Variants in PTPN5 observed in about 807,000 individuals in gnomAD.
PTPN5 encodes the protein tyrosine-protein phosphatase non-receptor type 5.
PTPN5 carries 29 observed loss-of-function variants against 73.9 expected under a neutral mutation model. The observed-to-expected ratio is 0.39, with a 90% confidence interval of 0.29 to 0.54. The LOEUF (loss-of-function observed/expected upper bound fraction) is 0.54, where lower values mean the gene tolerates loss of function less well. Ranked by LOEUF, PTPN5 falls within the 20% of genes least tolerant of loss-of-function variation. PTPN5 has a pLI of 0.65. For missense variants in PTPN5, 652 were observed against 751.4 expected, an observed-to-expected ratio of 0.87 and a Z score of 1.55; for synonymous variants, 267 against 304.7, an observed-to-expected ratio of 0.88 and a Z score of 1.29.
Position 18,733,180 on chromosome 11 carries a change from A to G in PTPN5, c.1218+55T>C. The G allele has an allele frequency of 1.3e-6, 2 of 1,580,214 alleles. No homozygotes were observed. On this transcript the variant is annotated intron_variant, in intron 11 of 14. Transcript: ENST00000358540. This position sits in a 1 kb window ranked among gnomAD's most constrained non-coding sequence, Gnocchi z 4.3. ...ATAAAGATTAATTTGAGAACAAGAT[A>G]CTTAGTGTAGGGCGCAATGTAGCAG... is the stretch of plus-strand genomic sequence containing the variant.
At chr11:18,738,781 G>A (rs190147506) in intron 8 of PTPN5, among the ~76,000 whole-genome samples, 9 of 152,136 alleles carry the variant, frequency 5.9e-5, no homozygotes, top group Admixed American at 5.9e-4. Context: ...AGACCACCCT[G>A]GCCAACATGT....
At chr11:18,790,870 A>C (rs1346981898) in intron 1 of PTPN5, among the ~76,000 whole-genome samples, 1 of 152,184 alleles carries the variant, frequency 6.6e-6, no homozygotes, top group Non-Finnish European at 1.5e-5. Flanking sequence ...TAAAATGAGA[A>C]GGTTGAATAA....
intron 1 of PTPN5, among the ~76,000 whole-genome samples, chr11:18,780,250 GT>G (rs1286225706): frequency 6.6e-6 from 1 of 152,212 alleles, no homozygotes; most frequent in Non-Finnish European, 1.5e-5. Context: ...GCTCCAGGCT[GT>G]TTCCAGGTCC....
intron 1 of PTPN5, among the ~76,000 whole-genome samples, chr11:18,779,038 T>G (rs1407282696): frequency 6.6e-6 from 1 of 152,122 alleles, no homozygotes. Flanking sequence ...CTTACAAGGC[T>G]CCTTCTCATG....
chr11:18,783,980 T>C (rs111607373), intron 1 of PTPN5, among the ~76,000 whole-genome samples: 2,719 of 152,302 alleles, frequency 0.018, 55 homozygotes, highest in African/African-American at 0.055. Context: ...GTTACCTCCA[T>C]GGCCATGCAG....
intron 12 of PTPN5, chr11:18,730,146 C>A: frequency 2.1e-6 from 1 of 479,724 alleles, no homozygotes; most frequent in Non-Finnish European, 3.6e-6. Context: ...CAAATGGTCC[C>A]CCAGTCATCC....
rs1849006435 is a variant in PTPN5, at chr11:18,733,958, G to C, written c.1001-323C>G. On this transcript the variant is annotated intron_variant, in intron 9 of 14. Transcript: ENST00000358540. The surrounding 1 kb of genome is among the most constrained non-coding windows in gnomAD (Gnocchi z 4.3). ...CTAAGTCAACAATGGAATTACCTAG[G>C]GAAATTCCTGTACAGATCTTGTTCA... Among the ~76,000 whole-genome samples, 1 of 152,148 alleles carries C rather than the reference G, an allele frequency of 6.6e-6. No individual in the cohort carries two copies. The highest frequency in any genetic ancestry group is 2.4e-5 in the African/African-American group (1 of 41,420).
intron 3 of PTPN5, among the ~76,000 whole-genome samples, chr11:18,749,650 T>C (rs1295285177): frequency 1.3e-5 from 2 of 152,130 alleles, no homozygotes; most frequent in African/African-American, 2.4e-5. Flanking sequence ...AGCTGTAGGA[T>C]CCTGGGTAAG....
intron 2 of PTPN5, among the ~76,000 whole-genome samples, chr11:18,768,362 G>T (rs1227461923): frequency 1.3e-5 from 2 of 152,156 alleles, no homozygotes; most frequent in East Asian, 3.9e-4. Context: ...TACTGAGTTG[G>T]TGGTGGCCAC....
At chr11:18,753,559 C>A (rs1473303844) in intron 3 of PTPN5, among the ~76,000 whole-genome samples, 1 of 135,262 alleles carries the variant, frequency 7.4e-6, no homozygotes, top group Admixed American at 8.4e-5. Flanking sequence ...TCCCCAGACT[C>A]TACCCACACC....
chr11:18,786,692 G>C (rs1490304717), intron 1 of PTPN5, among the ~76,000 whole-genome samples: 8 of 152,108 alleles, frequency 5.3e-5, no homozygotes, highest in Admixed American at 5.2e-4. Context: ...CTGGACTGGG[G>C]GTCCAGAGAT....
At chr11:18,741,561 T>C (rs949370598) in intron 7 of PTPN5, among the ~76,000 whole-genome samples, 1 of 152,130 alleles carries the variant, frequency 6.6e-6, no homozygotes, top group Non-Finnish European at 1.5e-5. Context: ...TCAAATTTGG[T>C]GTGATCTGGC....
chr11:18,778,254 G>A (rs911241830), intron 1 of PTPN5, among the ~76,000 whole-genome samples: 4 of 152,142 alleles, frequency 2.6e-5, no homozygotes, highest in African/African-American at 4.8e-5. Context: ...CACATGGCAC[G>A]CTGTATGCTC....
At chr11:18,741,793 C>T (rs1179523809) in intron 7 of PTPN5, among the ~76,000 whole-genome samples, 2 of 152,142 alleles carry the variant, frequency 1.3e-5, no homozygotes, top group African/African-American at 2.4e-5. Flanking sequence ...GTGATGGGAT[C>T]ATTTGTACCC....
At position 18,733,473 on chromosome 11, in the gene PTPN5, G is replaced by A; in HGVS notation, c.1080+83C>T. ...CACAGGAGCTGGCAGGAGCCAGACT[G>A]GTGTAGGGACAAGGCTGGAGGATGG... On this transcript the variant is annotated intron_variant, in intron 10 of 14. Coordinates refer to ENST00000358540, the MANE Select transcript of PTPN5 (RefSeq NM_006906.2). This position sits in a 1 kb window ranked among gnomAD's most constrained non-coding sequence, Gnocchi z 4.3. 6.2e-7 allele frequency: 1 copy of A among 1,611,502 alleles called. No individual in the cohort carries two copies. The highest frequency in any genetic ancestry group is 8.5e-7 in the Non-Finnish European group (1 of 1,178,116).
At chr11:18,734,887 C>T (rs1849047345) in intron 9 of PTPN5, among the ~76,000 whole-genome samples, 1 of 152,126 alleles carries the variant, frequency 6.6e-6, no homozygotes, top group South Asian at 2.1e-4. Context: ...GAGGCTCTCA[C>T]AGGCAGTATA....
Position 18,740,753 on chromosome 11 carries a change from A to G in PTPN5, c.765T>C (p.Thr255=). The change falls in exon 8 of 15, where the codon ACT becomes ACC. Residue 255 remains threonine (T), a synonymous_variant. Coordinates refer to ENST00000358540, the MANE Select transcript of PTPN5 (RefSeq NM_006906.2). Reference sequence around the variant, plus strand: ...CAAAGCCCTCCTCGTTGCAGCCCGGAGTGCACATGTCCAGGGTCAGGGAGA... The same window carrying G: ...CAAAGCCCTCCTCGTTGCAGCCCGGGGTGCACATGTCCAGGGTCAGGGAGA... ...SNVSLTLDMC[T]PGCNEEGFGY... 1 of 1,594,122 alleles carries G rather than the reference A, an allele frequency of 6.3e-7. No homozygotes were observed. Among genetic ancestry groups the G allele is most frequent in the South Asian group, 1.1e-5 (1 of 88,186 alleles).
chr11:18,743,371 G>A lies in PTPN5; in HGVS notation c.350C>T (p.Thr117Ile), dbSNP rs1318007678. 1.9e-6 allele frequency: 3 copies of A among 1,614,172 alleles called. No individual in the cohort carries two copies. The highest frequency in any genetic ancestry group is 2.5e-6 in the Non-Finnish European group (3 of 1,180,036). The change falls in exon 5 of 15, where the codon ACA becomes ATA. Residue 117 changes from threonine (T) to isoleucine (I), a missense_variant. Around this residue, in one of 3 missense-constraint regions of PTPN5, gnomAD observed 529 missense variants for 573.9 expected, o/e 0.92. Coordinates refer to ENST00000358540, the MANE Select transcript of PTPN5 (RefSeq NM_006906.2). ...CGTCAGCAAAGAGGAGACGAGGTTT[G>A]TGGCGTTCTGTGACCAGATGTGGCC... ...GYGHIWSQNATNLVSSLLTLL... is the reference protein window; with the variant it reads ...GYGHIWSQNAINLVSSLLTLL...
At chr11:18,734,235 C>T (rs527365148) in intron 9 of PTPN5, among the ~76,000 whole-genome samples, 3 of 152,318 alleles carry the variant, frequency 2.0e-5, no homozygotes, top group Non-Finnish European at 2.9e-5. Flanking sequence ...AACATGAAAA[C>T]GATAGTCTCC....
Sources: allele counts gnomAD v4.1 joint callset (sites outside exome capture counted in the v4.1 genomes callset), GRCh38; gene constraint gnomAD v4.1.1; regional missense constraint gnomAD v4.1.1; non-coding constraint Gnocchi (gnomAD v3.1); transcripts MANE v1.5; gene names NCBI Gene and HGNC (gene_info 2026-07-23, HGNC 2026-07-21).